NOS1: variants seen among roughly 807,000 people sequenced by gnomAD.
The protein encoded by NOS1 is nitric oxide synthase 1, also known as NOS type I.
Under a neutral mutation model 164.5 loss-of-function variants are expected in NOS1, and 51 were observed. The ratio of observed to expected loss-of-function variants is 0.31; its 90% CI spans 0.25 to 0.39. The LOEUF (loss-of-function observed/expected upper bound fraction) is 0.39. Among genes scored for constraint, NOS1 ranks in the 10% least tolerant of loss-of-function variants. NOS1 has a pLI of 1.00. For synonymous variants in NOS1, 719 were observed against 745.8 expected (o/e 0.96, Z 0.59); for missense variants, 1,362 against 1,885.6 (o/e 0.72, Z 5.14).
At chr12:117,263,030 G>A (rs1039592605) in intron 13 of NOS1, among the ~76,000 whole-genome samples, 1 of 152,072 alleles carries the variant, frequency 6.6e-6, no homozygotes, top group African/African-American at 2.4e-5. Context: ...ATTCCTCGAT[G>A]GTACCTTCCA....
Position 117,242,611 on chromosome 12 carries a change from A to T in NOS1, c.3041+16T>A. On this transcript the variant is annotated intron_variant, in intron 20 of 28. Transcript: ENST00000317775. ...GGAGAAGACGTAGGTAACCCAGTGAACCAAGATGTTCCTACCTGGATTTAG... is the reference window on the plus strand; with the variant it reads ...GGAGAAGACGTAGGTAACCCAGTGATCCAAGATGTTCCTACCTGGATTTAG... 6.2e-7 allele frequency: 1 copy of T among 1,610,616 alleles called. No homozygotes were observed. The highest frequency in any genetic ancestry group is 8.5e-7 in the Non-Finnish European group (1 of 1,176,774).
intron 17 of NOS1, among the ~76,000 whole-genome samples, chr12:117,251,324 C>T (rs1313715766): frequency 6.6e-6 from 1 of 151,910 alleles, no homozygotes; most frequent in Admixed American, 6.6e-5. Context: ...ACCAAGGCTC[C>T]CAACTCTTGT....
At position 117,232,610 on chromosome 12, in the gene NOS1, T is replaced by C. The variant is rs1869337863; in HGVS notation, c.3236-479A>G. ...ATCACAACAATCCAAGACAGTGTTA[T>C]TCTTCTCCCTGCTGAGAAAAATAGA... On this transcript the variant is annotated intron_variant, in intron 21 of 28. Transcript: ENST00000317775. Among the ~76,000 whole-genome samples, 4 of 152,290 alleles carry C rather than the reference T, an allele frequency of 2.6e-5. No homozygotes were observed. The Middle Eastern group carries it at 0.01, about 388-fold the overall frequency.
At chr12:117,242,479 C>A in intron 20 of NOS1, 148 bp downstream of exon 20, 1 of 675,942 alleles carries the variant, frequency 1.5e-6, no homozygotes, top group Non-Finnish European at 2.7e-6. Flanking sequence ...GCAGGAACCC[C>A]AGACACTATA....
At chr12:117,219,850 C>T (rs907133207) in intron 27 of NOS1, among the ~76,000 whole-genome samples, 2 of 152,152 alleles carry the variant, frequency 1.3e-5, no homozygotes, top group Non-Finnish European at 2.9e-5. Flanking sequence ...TCACACACAG[C>T]CTCCAGTCAT....
chr12:117,280,228 G>A (rs936083455), intron 8 of NOS1, among the ~76,000 whole-genome samples: 1 of 152,186 alleles, frequency 6.6e-6, no homozygotes, highest in African/African-American at 2.4e-5. Flanking sequence ...AGTGATGCTG[G>A]TGACAGACAA....
At chr12:117,306,641 A>G (rs1391437838) in intron 3 of NOS1, among the ~76,000 whole-genome samples, 1 of 149,480 alleles carries the variant, frequency 6.7e-6, no homozygotes, top group Admixed American at 6.6e-5. Context: ...TTTTTTTCAG[A>G]TGGAGTCTCG....
intron 9 of NOS1, among the ~76,000 whole-genome samples, chr12:117,276,003 T>C (rs1765807705): frequency 6.6e-6 from 1 of 151,964 alleles, no homozygotes; most frequent in South Asian, 2.1e-4. Context: ...CCTTTTGAAC[T>C]TGATCCACAC....
At chr12:117,332,464 C>T (rs1005338444) in intron 1 of NOS1, among the ~76,000 whole-genome samples, 1 of 152,228 alleles carries the variant, frequency 6.6e-6, no homozygotes. Context: ...TGGTGGCTCA[C>T]ACCTGTAATC....
Position 117,330,353 on chromosome 12 carries a change from C to A in NOS1, c.717G>T (p.Gln239His). 6.2e-7 allele frequency: 1 copy of A among 1,611,642 alleles called. No individual in the cohort carries two copies. The highest frequency in any genetic ancestry group is 8.5e-7 in the Non-Finnish European group (1 of 1,178,554). ...AKAEMKDMGI[Q>H]VDRDLDGKSH... Reference sequence around the variant, plus strand: ...ACCCCTGTGGAGCTTACCTGTCCACCTGGATTCCCATATCTTTCATCTCTG... The same window carrying A: ...ACCCCTGTGGAGCTTACCTGTCCACATGGATTCCCATATCTTTCATCTCTG... Residue 239 changes from glutamine (Q) to histidine (H), a missense_variant, in exon 2 of 29, where the codon CAG becomes CAT. Transcript: ENST00000317775. The surrounding 1 kb of genome is among the most constrained non-coding windows in gnomAD (Gnocchi z 4.6).
At chr12:117,271,750 A>T (rs1211194004) in intron 10 of NOS1, among the ~76,000 whole-genome samples, 1 of 152,130 alleles carries the variant, frequency 6.6e-6, no homozygotes, top group African/African-American at 2.4e-5. Context: ...TGCTGACAAA[A>T]ACACAGCAAT....
At chr12:117,314,871 T>C (rs1447900916) in intron 2 of NOS1, among the ~76,000 whole-genome samples, 4 of 152,182 alleles carry the variant, frequency 2.6e-5, no homozygotes, top group Non-Finnish European at 5.9e-5. Context: ...CCTCCCAAAG[T>C]GCTGGGATTA....
At chr12:117,310,047 C>T (rs35718760) in intron 3 of NOS1, among the ~76,000 whole-genome samples, 20,666 of 152,084 alleles carry the variant, frequency 0.14, 1,614 homozygotes, top group East Asian at 0.26. Context: ...GCTGGGACAA[C>T]GGGCATGTGC....
At chr12:117,240,885 G>T (rs1007225372) in intron 20 of NOS1, among the ~76,000 whole-genome samples, 6 of 151,700 alleles carry the variant, frequency 4.0e-5, no homozygotes, top group African/African-American at 1.2e-4. Flanking sequence ...ATCTCAAATT[G>T]ATCAAACCGG....
intron 20 of NOS1, among the ~76,000 whole-genome samples, chr12:117,238,244 CCT>C (rs1316404036): frequency 6.6e-6 from 1 of 151,968 alleles, no homozygotes; most frequent in Non-Finnish European, 1.5e-5. Flanking sequence ...TTAAAAGATT[CCT>C]CTGTCTGAGG....
At chr12:117,222,098 C>T (rs546374568) in intron 26 of NOS1, among the ~76,000 whole-genome samples, 5 of 152,076 alleles carry the variant, frequency 3.3e-5, no homozygotes, top group Admixed American at 1.3e-4. Context: ...TTTTTCTTTA[C>T]GTCAGATGGA....
rs563594677 is a variant in NOS1 at position 117,232,379 on chromosome 12, C to G, written c.3236-248G>C. Among the ~76,000 whole-genome samples the G allele has an allele frequency of 6.6e-5, 10 of 152,216 alleles. 1 individual carries two copies. The Middle Eastern group carries it at 0.01, about 155-fold the overall frequency. On this transcript the variant is annotated intron_variant, in intron 21 of 28. Coordinates refer to ENST00000317775, the MANE Select transcript of NOS1 (RefSeq NM_000620.5). ...AATACATGAAGAGAGGAGAAAAATACTAAAATAGCATGACAGTCCACTGGC... is the reference window on the plus strand; with the variant it reads ...AATACATGAAGAGAGGAGAAAAATAGTAAAATAGCATGACAGTCCACTGGC...
At chr12:117,253,889 C>T (rs1871265320) in intron 16 of NOS1, 135 bp from the exon 17 acceptor site, 1 of 644,096 alleles carries the variant, frequency 1.6e-6, no homozygotes, top group African/African-American at 1.8e-5. Flanking sequence ...CATAACACTC[C>T]CATGGCCTCT....
intron 9 of NOS1, among the ~76,000 whole-genome samples, chr12:117,274,010 G>C (rs1872980467): frequency 6.6e-6 from 1 of 152,130 alleles, no homozygotes; most frequent in Admixed American, 6.5e-5. Context: ...AAAGAAACAA[G>C]CAACAGAGTG....
Sources: allele counts gnomAD v4.1 joint callset (sites outside exome capture counted in the v4.1 genomes callset), GRCh38; gene constraint gnomAD v4.1.1; non-coding constraint Gnocchi (gnomAD v3.1); transcripts MANE v1.5; gene names NCBI Gene and HGNC (gene_info 2026-07-23, HGNC 2026-07-21).